FAT2: variants seen among roughly 807,000 people sequenced by gnomAD.
FAT2 encodes FAT atypical cadherin 2.
A neutral mutation model predicts 295.3 loss-of-function variants in FAT2; 150 were observed. That is an observed-to-expected ratio of 0.51 (90% CI 0.44 to 0.58). The LOEUF is 0.58. Among genes scored for constraint, FAT2 ranks in the 20% least tolerant of loss-of-function variants. The pLI is 0.00. For missense variants in FAT2, 4,868 were observed against 5,442.7 expected, an observed-to-expected ratio of 0.89 and a Z score of 3.32; for synonymous variants, 2,026 against 2,150.3, an observed-to-expected ratio of 0.94 and a Z score of 1.60.
chr5:151,539,902 C>T (rs1163520539), intron 11 of FAT2, among the ~76,000 whole-genome samples: 3 of 152,102 alleles, frequency 2.0e-5, no homozygotes, highest in African/African-American at 4.8e-5. Context: ...TGCCCTGTCT[C>T]GTGTTTGTGT....
chr5:151,542,146 G>A, intron 10 of FAT2, 139 bp downstream of exon 10: 1 of 698,030 alleles, frequency 1.4e-6, no homozygotes, highest in Non-Finnish European at 2.4e-6. Flanking sequence ...GAGAAACTGA[G>A]GTCCTAGGGG....
At chr5:151,532,024 G>GC in intron 13 of FAT2, 54 bp from the exon 14 acceptor site, 1 of 1,587,482 alleles carries the variant, frequency 6.3e-7, no homozygotes, top group Non-Finnish European at 8.6e-7. Flanking sequence ...CTCTGGACCT[G>GC]CCTGCAGCAA....
Position 151,565,846 on chromosome 5 carries a change from G to T in FAT2, c.3086C>A (p.Pro1029His). 6.2e-7 allele frequency: 1 copy of T among 1,614,114 alleles called. No individual in the cohort carries two copies. Among genetic ancestry groups the T allele is most frequent in the South Asian group, 1.1e-5 (1 of 91,086 alleles). The change falls in exon 2 of 24, where the codon CCT becomes CAT. Residue 1029 changes from proline to histidine, a missense_variant. By Grantham distance (77) the Pro-to-His change is moderately conservative. Transcript: ENST00000261800. ...IVLDVNENLH[P>H]PHFASFVHQG... ...GTGCACGAAGGAGGCAAAGTGGGGA[G>T]GGTGGAGATTCTCATTCACATCCAG...
intron 6 of FAT2, among the ~76,000 whole-genome samples, chr5:151,551,976 GGTGTGTGT>G (rs56267278): frequency 1.8e-4 from 26 of 143,648 alleles, no homozygotes; most frequent in Middle Eastern, 3.5e-3. Context: ...TAACCCTAAG[GGTGTGTGT>G]GTGTGTGTGT....
At position 151,531,900 on chromosome 5, in the gene FAT2, C is replaced by T. The variant is rs1338952402; in HGVS notation, c.9498G>A (p.Thr3166=). 2.5e-6 allele frequency: 4 copies of T among 1,614,190 alleles called. No individual in the cohort carries two copies. The highest frequency in any genetic ancestry group is 1.1e-5 in the South Asian group (1 of 91,084). Residue 3166 remains threonine, a synonymous_variant, in exon 14 of 24, where the codon ACG becomes ACA. Transcript: ENST00000261800. This position sits in a 1 kb window ranked among gnomAD's most constrained non-coding sequence, Gnocchi z 5.7. ...GCGGCTTTTCCAGGCGGATCACCCC[C>T]GTGGTGGCGTCGATGGAAAAGTGGC... is the stretch of plus-strand genomic sequence containing the variant. ...AEGHFSIDAT[T]GVIRLEKPLQ...
At position 151,543,275 on chromosome 5, in the gene FAT2, C is replaced by A. The variant is rs754065818; in HGVS notation, c.7852G>T (p.Ala2618Ser). ...LAYDADEGQN[A>S]DVTYSVNPED... Reference sequence around the variant, plus strand: ...GGGTTCACTGAGTAGGTGACATCTGCGTTCTGACCTTCATCTGCATCATAG... The same window carrying A: ...GGGTTCACTGAGTAGGTGACATCTGAGTTCTGACCTTCATCTGCATCATAG... Residue 2618 changes from alanine (A) to serine (S), a missense_variant, in exon 10 of 24, where the codon GCA becomes TCA. Transcript: ENST00000261800. The A allele has an allele frequency of 1.2e-6, 2 of 1,614,060 alleles. No homozygotes were observed. The highest frequency in any genetic ancestry group is 3.3e-5 in the Admixed American group (2 of 60,000).
chr5:151,555,057 G>A (rs557072926), intron 4 of FAT2, among the ~76,000 whole-genome samples: 1 of 152,318 alleles, frequency 6.6e-6, no homozygotes, highest in Non-Finnish European at 1.5e-5. Flanking sequence ...ATGTTGATGA[G>A]GGAATGAGTG....
rs1561879597 is a variant in FAT2 at position 151,568,951 on chromosome 5, C to T, written c.-20G>A. The T allele has an allele frequency of 1.9e-6, 3 of 1,571,518 alleles. No individual in the cohort carries two copies. The highest frequency in any genetic ancestry group is 2.2e-5 in the East Asian group (1 of 44,490). ...AGTCATGGTGGAAAACTCCCGAAAC[C>T]CTGGGCAGAAAATAAAAGACAGGGT... On this transcript the variant is annotated splice_region_variant and 5_prime_UTR_variant, in exon 2 of 24. Coordinates refer to ENST00000261800, the MANE Select transcript of FAT2 (RefSeq NM_001447.3).
At chr5:151,549,163 C>T (rs1404889255) in intron 9 of FAT2, 132 bp downstream of exon 9, 3 of 775,198 alleles carry the variant, frequency 3.9e-6, no homozygotes, top group African/African-American at 3.5e-5. Flanking sequence ...CCAGGGAATG[C>T]TCTAGAATTA....
chr5:151,535,650 G>A (rs532537066), intron 12 of FAT2, among the ~76,000 whole-genome samples: 30 of 152,178 alleles, frequency 2.0e-4, no homozygotes, highest in East Asian at 1.2e-3. Flanking sequence ...CAAATTAATC[G>A]AACCCAAAGA....
rs1170036312 is a variant in FAT2 at position 151,527,317 on chromosome 5, C to T, written c.10225G>A (p.Asp3409Asn). The change falls in exon 17 of 24, where the codon GAC (aspartate) becomes AAC (asparagine). Residue 3409 changes from aspartate to asparagine, a missense_variant. Asp to Asn is a conservative substitution (Grantham distance 23). This residue lies in a region of FAT2 where 1,046 missense variants were observed against 1,210.1 expected (regional missense o/e 0.86). Coordinates refer to ENST00000261800, the MANE Select transcript of FAT2 (RefSeq NM_001447.3). ...TDSGQPPLHE[D>N]TDIAIQVADV... ...GCCACTTGGATAGCGATGTCTGTGTCCTCATGCAGTGGAGGCTGCCCACTG... is the reference window on the plus strand; with the variant it reads ...GCCACTTGGATAGCGATGTCTGTGTTCTCATGCAGTGGAGGCTGCCCACTG... 2.7e-5 allele frequency: 43 copies of T among 1,613,322 alleles called. No homozygotes were observed. The highest frequency in any genetic ancestry group is 3.6e-5 in the Non-Finnish European group (43 of 1,179,728).
intron 10 of FAT2, 81 bp from the exon 11 acceptor site, chr5:151,540,844 A>T: frequency 7.7e-7 from 1 of 1,301,996 alleles, no homozygotes; most frequent in Non-Finnish European, 1.1e-6. Context: ...TGCCCATTGG[A>T]TGCATTTTTT....
intron 2 of FAT2, among the ~76,000 whole-genome samples, chr5:151,564,375 G>A (rs1279324317): frequency 6.6e-6 from 1 of 152,232 alleles, no homozygotes; most frequent in Non-Finnish European, 1.5e-5. Flanking sequence ...CAAGTATGTG[G>A]AAGAACTGGG....
At chr5:151,565,647 A>AGCCCCCCCCCC in intron 2 of FAT2, 26 bp downstream of exon 2, 5 of 1,461,028 alleles carry the variant, frequency 3.4e-6, no homozygotes, top group East Asian at 2.4e-5. Flanking sequence ...TGGCCCTGGC[A>AGCCCCCCCCCC]CCCCACCCTA....
intron 2 of FAT2, among the ~76,000 whole-genome samples, chr5:151,563,940 T>C (rs1758136292): frequency 6.6e-6 from 1 of 152,242 alleles, no homozygotes; most frequent in South Asian, 2.1e-4. Flanking sequence ...CTACTTTCTC[T>C]TGGCTACTTA....
At chr5:151,516,863 T>C (rs1380570880) in intron 20 of FAT2, among the ~76,000 whole-genome samples, 5 of 152,104 alleles carry the variant, frequency 3.3e-5, no homozygotes, top group Admixed American at 2.0e-4. Flanking sequence ...CCTAGCACTT[T>C]GGGATGCCGA....
chr5:151,522,570 C>T (rs757949960), intron 18 of FAT2, among the ~76,000 whole-genome samples: 2 of 152,170 alleles, frequency 1.3e-5, no homozygotes, highest in South Asian at 2.1e-4. Flanking sequence ...AGTCAGTCAA[C>T]GAAGTCTTCT....
intron 16 of FAT2, 51 bp downstream of exon 16, chr5:151,527,945 C>T: frequency 1.3e-6 from 2 of 1,593,392 alleles, no homozygotes; most frequent in South Asian, 2.3e-5. Context: ...TGCAGTGGGA[C>T]TGTGTCTCTG....
chr5:151,588,496 T>C (rs577888226), intron 1 of FAT2, among the ~76,000 whole-genome samples: 5 of 152,332 alleles, frequency 3.3e-5, no homozygotes, highest in African/African-American at 9.6e-5. Flanking sequence ...GGACTGTATC[T>C]ATGAATGGGT....
Sources: gnomAD v4.1 joint callset for allele counts (sites outside exome capture counted in the v4.1 genomes callset) on GRCh38, gnomAD v4.1.1 for gene constraint, gnomAD v4.1.1 regional missense constraint, Gnocchi (gnomAD v3.1) non-coding constraint, MANE v1.5 for transcripts, NCBI Gene and HGNC (gene_info 2026-07-23, HGNC 2026-07-21) for gene names.